Variants in SMCO2 observed in about 807,000 individuals in gnomAD.
SMCO2 encodes the protein single-pass membrane and coiled-coil domain-containing protein 2.
SMCO2 carries 25 observed loss-of-function variants against 29.5 expected under a neutral mutation model. The observed-to-expected ratio is 0.85, with a 90% CI of 0.62 to 1.18. The LOEUF (loss-of-function observed/expected upper bound fraction) is 1.18. Ranked by LOEUF, SMCO2 falls within the 50% of genes most tolerant of loss-of-function variation. The pLI is 0.00. For missense variants in SMCO2, 348 were observed against 344.5 expected (o/e 1.01, Z -0.08); for synonymous variants, 117 against 123.3 (o/e 0.95, Z 0.34).
the SMCO2 span, among the ~76,000 whole-genome samples, chr12:27,433,453 G>C: frequency 6.6e-6 from 1 of 151,752 alleles, no homozygotes; most frequent in Non-Finnish European, 1.5e-5. Flanking sequence ...AAATAAGAGG[G>C]CATCTGCTCT....
chr12:27,440,743 A>T, the SMCO2 span, among the ~76,000 whole-genome samples: 1 of 151,796 alleles, frequency 6.6e-6, no homozygotes. Flanking sequence ...TATCTATAAA[A>T]TGTTTTTTGT....
chr12:27,458,112 A>G, the SMCO2 span, among the ~76,000 whole-genome samples: 1 of 152,322 alleles, frequency 6.6e-6, no homozygotes, highest in East Asian at 1.9e-4. Flanking sequence ...ATATGCAGTT[A>G]TTTAAATTAC....
chr12:27,435,122 A>G, the SMCO2 span, among the ~76,000 whole-genome samples: 1 of 151,976 alleles, frequency 6.6e-6, no homozygotes, highest in African/African-American at 2.4e-5. Context: ...GATGACAGTG[A>G]CACATTTTCT....
intron 5 of SMCO2, among the ~76,000 whole-genome samples, chr12:27,489,196 G>A (rs952346762): frequency 8.6e-5 from 13 of 152,042 alleles, no homozygotes; most frequent in Admixed American, 2.6e-4. Flanking sequence ...TTACGGGTGT[G>A]TGCCACCATG....
chr12:27,459,695 A>G, the SMCO2 span, among the ~76,000 whole-genome samples: 2 of 152,338 alleles, frequency 1.3e-5, no homozygotes, highest in Middle Eastern at 3.4e-3. Flanking sequence ...CAGCTCTCCT[A>G]TCCCAATGGG....
chr12:27,452,853 A>G, the SMCO2 span, among the ~76,000 whole-genome samples: 3,120 of 152,188 alleles, frequency 0.021, 106 homozygotes, highest in African/African-American at 0.071. Context: ...GCTGGATTGT[A>G]TGGTGGTTCT....
At chr12:27,501,368 A>AT (rs1168094754) in intron 7 of SMCO2, among the ~76,000 whole-genome samples, 1 of 133,342 alleles carries the variant, frequency 7.5e-6, no homozygotes, top group Non-Finnish European at 1.6e-5. Flanking sequence ...GTGAGCCGGG[A>AT]TAGCGCCACT....
At chr12:27,491,147 A>ATTG in intron 5 of SMCO2, among the ~76,000 whole-genome samples, 1 of 152,310 alleles carries the variant, frequency 6.6e-6, no homozygotes, top group East Asian at 1.9e-4. Flanking sequence ...TATCACATAT[A>ATTG]TTGGCTCACT....
chr12:27,475,669 C>T (rs367878856), intron 4 of SMCO2: 388 of 1,548,084 alleles, frequency 2.5e-4, no homozygotes, highest in Non-Finnish European at 3.2e-4. Context: ...ATTACATAGA[C>T]GGAACGGAGA....
the SMCO2 span, among the ~76,000 whole-genome samples, chr12:27,456,040 A>T: frequency 1.3e-5 from 2 of 152,136 alleles, no homozygotes; most frequent in Non-Finnish European, 2.9e-5. Flanking sequence ...ACATGGCGAA[A>T]CCCCATTTCT....
intron 4 of SMCO2, among the ~76,000 whole-genome samples, chr12:27,487,841 T>G (rs1949702715): frequency 6.6e-6 from 1 of 152,010 alleles, no homozygotes; most frequent in Non-Finnish European, 1.5e-5. Flanking sequence ...CTAATAAGTA[T>G]TGACCATCCT....
the SMCO2 span, among the ~76,000 whole-genome samples, chr12:27,456,424 T>C: frequency 6.6e-6 from 1 of 152,098 alleles, no homozygotes; most frequent in Non-Finnish European, 1.5e-5. Flanking sequence ...ATTCTTACAA[T>C]GAAAAACTGT....
the SMCO2 span, among the ~76,000 whole-genome samples, chr12:27,431,204 A>G: frequency 6.6e-6 from 1 of 151,902 alleles, no homozygotes; most frequent in Non-Finnish European, 1.5e-5. Flanking sequence ...TTTAGTAGAG[A>G]TGGGTTTTCG....
At chr12:27,430,990 G>C in the SMCO2 span, among the ~76,000 whole-genome samples, 1 of 151,766 alleles carries the variant, frequency 6.6e-6, no homozygotes, top group Non-Finnish European at 1.5e-5. Context: ...TTTTACAAAA[G>C]ATATTTAGTT....
chr12:27,471,993 A>G (rs1172096423), intron 2 of SMCO2, among the ~76,000 whole-genome samples: 1 of 152,240 alleles, frequency 6.6e-6, no homozygotes, highest in Non-Finnish European at 1.5e-5. Flanking sequence ...AAGGATATTC[A>G]TTCCAGCATT....
rs896887612 is a variant in SMCO2 at position 27,499,545 on chromosome 12, G to A, written c.684-2378G>A. Among the ~76,000 whole-genome samples, 14 of 150,716 alleles carry A rather than the reference G, an allele frequency of 9.3e-5. 2 individuals carry two copies. The highest frequency in any genetic ancestry group is 3.5e-4 in the African/African-American group (14 of 40,350). ...GTACAGCCTTGTGACTAAACCAAAA[G>A]CCTCTGGATTGTACAATGTATAGAG... On this transcript the variant is annotated intron_variant, in intron 7 of 7. Coordinates refer to ENST00000298876, the Ensembl canonical transcript of SMCO2.
At chr12:27,493,125 A>G (rs1344362994) in intron 5 of SMCO2, among the ~76,000 whole-genome samples, 1 of 152,216 alleles carries the variant, frequency 6.6e-6, no homozygotes, top group Non-Finnish European at 1.5e-5. Flanking sequence ...AGTGGGAGCC[A>G]AATGATGAGA....
At chr12:27,458,497 C>G in the SMCO2 span, among the ~76,000 whole-genome samples, 1 of 152,212 alleles carries the variant, frequency 6.6e-6, no homozygotes, top group East Asian at 1.9e-4. Flanking sequence ...ATAATGTCTA[C>G]AAACAATTAA....
At chr12:27,477,634 C>CTTTTCTT (rs1949600619) in intron 4 of SMCO2, among the ~76,000 whole-genome samples, 1 of 109,662 alleles carries the variant, frequency 9.1e-6, no homozygotes, top group African/African-American at 3.8e-5. Flanking sequence ...CTTTTTCATT[C>CTTTTCTT]TTTTTTTTTT....
Sources: allele counts gnomAD v4.1 joint callset (sites outside exome capture counted in the v4.1 genomes callset), GRCh38; gene constraint gnomAD v4.1.1; transcripts MANE v1.5; gene names NCBI Gene and HGNC (gene_info 2026-07-23, HGNC 2026-07-21).